The following GABRB3 variants were observed in gnomAD, a reference collection of about 807,000 sequenced individuals.
The protein encoded by GABRB3 is gamma-aminobutyric acid type A receptor subunit beta3.
In GABRB3, 14 loss-of-function variants were observed where a neutral mutation model predicts 52.1. The observed-to-expected ratio is 0.27, with a 90% CI of 0.18 to 0.42. The LOEUF (loss-of-function observed/expected upper bound fraction) is 0.42. Ranked by LOEUF, GABRB3 falls within the 10% of genes least tolerant of loss-of-function variation. GABRB3 has a pLI of 1.00. For synonymous variants in GABRB3, 260 were observed against 232.3 expected, an observed-to-expected ratio of 1.12 and a Z score of -1.08; for missense variants, 307 against 609.1, an observed-to-expected ratio of 0.50 and a Z score of 5.22.
At chr15:26,647,250 CA>C (rs1235582389) in intron 3 of GABRB3, among the ~76,000 whole-genome samples, 1 of 152,184 alleles carries the variant, frequency 6.6e-6, no homozygotes. Flanking sequence ...AGTCTGAATA[CA>C]TGTTCCTTGT....
chr15:26,589,629 T>C (rs1891119996), intron 4 of GABRB3, among the ~76,000 whole-genome samples: 1 of 152,152 alleles, frequency 6.6e-6, no homozygotes, highest in Non-Finnish European at 1.5e-5. Flanking sequence ...CTTCCTCCTT[T>C]TGAATGTTTT....
chr15:26,705,977 G>A (rs149338198), intron 3 of GABRB3, among the ~76,000 whole-genome samples: 92 of 152,222 alleles, frequency 6.0e-4, no homozygotes, highest in African/African-American at 1.5e-3. Flanking sequence ...AGGATCCACC[G>A]AAGCCCCAAC....
rs75965657 is a variant in GABRB3, at chr15:26,580,398, G to T, written c.603C>A (p.Thr201=). 6.2e-7 allele frequency: 1 copy of T among 1,614,086 alleles called. No individual in the cohort carries two copies. Among genetic ancestry groups the T allele is most frequent in the South Asian group, 1.1e-5 (1 of 91,074 alleles). Residue 201 remains threonine (T), a synonymous_variant, in exon 6 of 9, where the codon ACC becomes ACA. Coordinates refer to ENST00000311550, the MANE Select transcript of GABRB3 (RefSeq NM_000814.6). ...FYWRGGDKAV[T]GVERIELPQF... ...GCGGGAGCTCAATCCTTTCCACTCCGGTAACAGCCTTGTCCCCGCCTCGCC... is the reference window on the plus strand; with the variant it reads ...GCGGGAGCTCAATCCTTTCCACTCCTGTAACAGCCTTGTCCCCGCCTCGCC...
At chr15:26,631,014 C>T (rs535524364) in intron 3 of GABRB3, among the ~76,000 whole-genome samples, 2 of 152,300 alleles carry the variant, frequency 1.3e-5, no homozygotes, top group African/African-American at 4.8e-5. Context: ...TGGTGAGACA[C>T]GAGGACTAGC....
At chr15:26,630,813 G>A (rs1892892027) in intron 3 of GABRB3, among the ~76,000 whole-genome samples, 1 of 152,210 alleles carries the variant, frequency 6.6e-6, no homozygotes, top group Non-Finnish European at 1.5e-5. Context: ...AAACCCTGAA[G>A]TTCATGGGAT....
At chr15:26,605,389 G>GAA (rs1363740049) in intron 4 of GABRB3, among the ~76,000 whole-genome samples, 55 of 152,286 alleles carry the variant, frequency 3.6e-4, no homozygotes, top group African/African-American at 1.2e-3. Context: ...TCTACTATAT[G>GAA]ATCCAGGAAT....
intron 6 of GABRB3, among the ~76,000 whole-genome samples, chr15:26,573,624 T>C (rs1890489435): frequency 6.6e-6 from 1 of 152,210 alleles, no homozygotes; most frequent in Non-Finnish European, 1.5e-5. Flanking sequence ...ACACCATAAG[T>C]GGCAAAACAT....
intron 4 of GABRB3, among the ~76,000 whole-genome samples, chr15:26,589,516 T>A (rs961438137): frequency 8.5e-5 from 13 of 152,232 alleles, no homozygotes; most frequent in African/African-American, 2.9e-4. Context: ...TTGCAAGCAC[T>A]GATTCTGATT....
At chr15:26,670,023 TGTGCAGGAG>T (rs892545546) in intron 3 of GABRB3, among the ~76,000 whole-genome samples, 84 of 152,328 alleles carry the variant, frequency 5.5e-4, no homozygotes, top group African/African-American at 2.0e-3. Context: ...CCCCTCATGC[TGTGCAGGAG>T]GTCACAGTCA....
At chr15:26,573,683 C>A (rs112252235) in intron 6 of GABRB3, among the ~76,000 whole-genome samples, 2 of 152,146 alleles carry the variant, frequency 1.3e-5, no homozygotes, top group Non-Finnish European at 2.9e-5. Flanking sequence ...CAAAGTGTAC[C>A]GTCAAGACAA....
intron 3 of GABRB3, among the ~76,000 whole-genome samples, chr15:26,655,634 C>T (rs1490978275): frequency 6.6e-6 from 1 of 151,448 alleles, no homozygotes; most frequent in East Asian, 2.0e-4. Context: ...CCAGGCTACT[C>T]GGGAGGCTGA....
intron 6 of GABRB3, among the ~76,000 whole-genome samples, chr15:26,578,790 CAG>C (rs1263898813): frequency 6.6e-6 from 1 of 152,220 alleles, no homozygotes; most frequent in East Asian, 1.9e-4. Flanking sequence ...TCCTACCACT[CAG>C]GGCATGGAAC....
intron 3 of GABRB3, among the ~76,000 whole-genome samples, chr15:26,675,563 T>A (rs1052734039): frequency 1.3e-5 from 2 of 152,146 alleles, no homozygotes; most frequent in African/African-American, 4.8e-5. Context: ...GAGATAGGTA[T>A]AAGGGCTATT....
intron 3 of GABRB3, among the ~76,000 whole-genome samples, chr15:26,622,680 T>G (rs1892531287): frequency 6.6e-6 from 1 of 152,148 alleles, no homozygotes; most frequent in Non-Finnish European, 1.5e-5. Context: ...CAGTATTCTT[T>G]TTGCTTCTTG....
At chr15:26,554,193 A>ATATATATATATATATATATAC (rs1889659210) in intron 8 of GABRB3, among the ~76,000 whole-genome samples, 1 of 69,426 alleles carries the variant, frequency 1.4e-5, no homozygotes, top group East Asian at 3.0e-4. Flanking sequence ...TATATATACT[A>ATATATATATATATATATATAC]TATATATATA....
chr15:26,636,129 T>A lies in GABRB3; in HGVS notation c.241-14595A>T, dbSNP rs1432947251. On this transcript the variant is annotated intron_variant, in intron 3 of 8. Coordinates refer to ENST00000311550, the MANE Select transcript of GABRB3 (RefSeq NM_000814.6). ...TACCATGCAGGTTTCATACACCCAATCAAGCACAGTGCCGAAGGAGGGAAA... is the reference window on the plus strand; with the variant it reads ...TACCATGCAGGTTTCATACACCCAAACAAGCACAGTGCCGAAGGAGGGAAA... Among the ~76,000 whole-genome samples, 3 of 152,216 alleles carry A rather than the reference T, an allele frequency of 2.0e-5. No individual in the cohort carries two copies. The East Asian group carries it at 5.8e-4, about 29-fold the overall frequency.
rs140826113 is a variant in GABRB3, at chr15:26,663,780, G to A, written c.241-42246C>T. 2.0e-4 allele frequency among the ~76,000 whole-genome samples: 31 copies of A among 152,216 alleles called. No individual in the cohort carries two copies. In the East Asian group the frequency reaches 4.3e-3, roughly 21 times the overall value. ...TTATTTCTTGTTTTCTGTTTGTTCC[G>A]TTTTCTATACCTCTGTTTGCTTTTC... On this transcript the variant is annotated intron_variant, in intron 3 of 8. Coordinates refer to ENST00000311550, the MANE Select transcript of GABRB3 (RefSeq NM_000814.6).
intron 4 of GABRB3, among the ~76,000 whole-genome samples, chr15:26,584,804 C>T (rs116489065): frequency 6.6e-6 from 1 of 152,122 alleles, no homozygotes; most frequent in African/African-American, 2.4e-5. Context: ...AGAACCCCAC[C>T]CTTTCCCCAC....
chr15:26,772,603 C>T, intron 2 of GABRB3, 78 bp downstream of exon 2: 5 of 1,428,190 alleles, frequency 3.5e-6, no homozygotes, highest in East Asian at 2.9e-5. Flanking sequence ...TCCGCGGATG[C>T]GGCCCCCGCC....
Sources: gnomAD v4.1 joint callset for allele counts (sites outside exome capture counted in the v4.1 genomes callset) on GRCh38, gnomAD v4.1.1 for gene constraint, MANE v1.5 for transcripts, NCBI Gene and HGNC (gene_info 2026-07-23, HGNC 2026-07-21) for gene names.